Variants in PCDH11X observed in about 807,000 individuals in gnomAD.
PCDH11X encodes the protein protocadherin-11 X-linked.
Under a neutral mutation model 53.3 loss-of-function variants are expected in PCDH11X, and 18 were observed. The ratio of observed to expected loss-of-function variants is 0.34; its 90% confidence interval spans 0.23 to 0.50. The LOEUF (loss-of-function observed/expected upper bound fraction) is 0.50, where lower values mean the gene tolerates loss of function less well. Among genes scored for constraint, PCDH11X ranks in the 20% least tolerant of loss-of-function variants. The probability of loss-of-function intolerance (pLI) is 0.98; values close to 1 mark genes in which losing one functional copy is unlikely to be tolerated. For missense variants in PCDH11X, 570 were observed against 1,032.4 expected (o/e 0.55, Z 6.14); for synonymous variants, 279 against 393.3 (o/e 0.71, Z 3.44).
At chrX:92,282,144 T>C (rs2068263445) in intron 8 of PCDH11X, among the ~76,000 whole-genome samples, 1 of 110,603 alleles carries the variant, frequency 9.0e-6, no homozygotes, top group Admixed American at 9.7e-5. Flanking sequence ...AGTGGGGGAA[T>C]AAGAAGTTCT....
At chrX:91,977,581 C>T (rs896088687) in intron 6 of PCDH11X, among the ~76,000 whole-genome samples, 1 of 110,879 alleles carries the variant, frequency 9.0e-6, no homozygotes, top group African/African-American at 3.3e-5. Context: ...AGTGAATATC[C>T]TGATTTCCTA....
At chrX:92,114,957 C>G (rs1434175212) in intron 6 of PCDH11X, among the ~76,000 whole-genome samples, 1 of 110,534 alleles carries the variant, frequency 9.0e-6, no homozygotes, top group Non-Finnish European at 1.9e-5. Flanking sequence ...TCAGCCTCCC[C>G]GAGTAGCTGG....
intron 8 of PCDH11X, among the ~76,000 whole-genome samples, chrX:92,345,860 A>G: frequency 9.3e-6 from 1 of 107,407 alleles, no homozygotes; most frequent in Non-Finnish European, 1.9e-5. Flanking sequence ...CCCTGAGCAC[A>G]TATCAGAAAC....
Position 92,261,006 on chromosome X carries a change from T to C in PCDH11X, c.3115-2108T>C, listed in dbSNP as rs770341080. ...CAGGGCCAGTTTATAAATAAGAGTA[T>C]AAAAATCCATATCTCTATTAAAACA... On this transcript the variant is annotated intron_variant, in intron 7 of 10. Coordinates refer to ENST00000682573, the MANE Select transcript of PCDH11X (RefSeq NM_032968.5). Among the ~76,000 whole-genome samples, 226 of 111,735 alleles carry C rather than the reference T, an allele frequency of 2.0e-3. 1 individual carries two copies. The highest frequency in any genetic ancestry group is 7.0e-3 in the African/African-American group (216 of 30,800).
At chrX:92,242,391 G>C (rs1254047843) in intron 7 of PCDH11X, among the ~76,000 whole-genome samples, 1 of 111,006 alleles carries the variant, frequency 9.0e-6, no homozygotes. Context: ...AACATTTTGG[G>C]ATCGGCTTTT....
intron 8 of PCDH11X, among the ~76,000 whole-genome samples, chrX:92,373,284 G>T (rs1167908838): frequency 9.0e-6 from 1 of 111,500 alleles, no homozygotes; most frequent in Non-Finnish European, 1.9e-5. Context: ...CAAGGCAAAG[G>T]GGTTTGGGCT....
chrX:91,984,590 A>AGG lies in PCDH11X; in HGVS notation c.3033+105317_3033+105318insGG, dbSNP rs1255109747. Reference sequence around the variant, plus strand: ...GACAAGTTTTGAGTTTACCACTGCTAAGGCAACCTGGGAGTATTACCTTCT... The same window carrying AGG: ...GACAAGTTTTGAGTTTACCACTGCTAGGAGGCAACCTGGGAGTATTACCTTCT... On this transcript the variant is annotated intron_variant, in intron 6 of 10. Transcript: ENST00000682573. 2.8e-4 allele frequency among the ~76,000 whole-genome samples: 31 copies of AGG among 110,506 alleles called. No individual in the cohort carries two copies. In the East Asian group the frequency reaches 4.9e-3, roughly 17 times the overall value.
chrX:92,461,055 A>T (rs747700095), intron 9 of PCDH11X: 1 of 460,796 alleles, frequency 2.2e-6, no homozygotes, highest in Admixed American at 4.0e-5. Context: ...AACATTGATG[A>T]AAGAAATTGA....
chrX:92,365,840 A>G (rs2070458201), intron 8 of PCDH11X, among the ~76,000 whole-genome samples: 1 of 108,865 alleles, frequency 9.2e-6, no homozygotes, highest in South Asian at 4.0e-4. Context: ...AGCTGACTTG[A>G]TCATGGTGGA....
intron 8 of PCDH11X, among the ~76,000 whole-genome samples, chrX:92,303,984 A>C (rs2522768): frequency 0.24 from 26,180 of 109,691 alleles, 4,474 homozygotes; most frequent in East Asian, 0.76. Flanking sequence ...ACTCTTAGTT[A>C]CCAGTGGAGT....
At position 91,878,743 on chromosome X, in the gene PCDH11X, A is replaced by G. The variant is rs749129469; in HGVS notation, c.2503A>G (p.Arg835Gly). The change falls in exon 6 of 11, where the codon AGA becomes GGA. Residue 835 changes from arginine (R) to glycine (G), a missense_variant. Coordinates refer to ENST00000682573, the MANE Select transcript of PCDH11X (RefSeq NM_032968.5). The stretch of plus-strand genomic sequence containing the variant: ...AGTTATTTTCATCACTGCTGTAGTA[A>G]GATGTCGCCAGGCACCACACCTTAA... ...VVVIFITAVV[R>G]CRQAPHLKAA... 2 of 1,208,476 alleles carry G rather than the reference A, an allele frequency of 1.7e-6. No homozygotes were observed. Among genetic ancestry groups the G allele is most frequent in the South Asian group, 1.8e-5 (1 of 56,671 alleles).
rs2181400 is a variant in PCDH11X at position 92,094,046 on chromosome X, C to T, written c.3034-107329C>T. Among the ~76,000 whole-genome samples, 9 of 109,187 alleles carry T rather than the reference C, an allele frequency of 8.2e-5. No individual in the cohort carries two copies. In the South Asian group the frequency reaches 2.0e-3, roughly 24 times the overall value. The allele number at this position is 109,187 out of a possible 115,157, so 94.8% of individuals were successfully genotyped here. On this transcript the variant is annotated intron_variant, in intron 6 of 10. Transcript: ENST00000682573. ...GTTTTCATTAAACACAAATTATATACGAATTTTTTATTCATAAAGCTTCAT... is the reference window on the plus strand; with the variant it reads ...GTTTTCATTAAACACAAATTATATATGAATTTTTTATTCATAAAGCTTCAT...
At chrX:92,454,334 G>A (rs180944669) in intron 9 of PCDH11X, among the ~76,000 whole-genome samples, 3,196 of 107,292 alleles carry the variant, frequency 0.03, 72 homozygotes, top group African/African-American at 0.085. Context: ...GTGCTAAGTC[G>A]GGTCTGGGAC....
chrX:92,334,862 T>C (rs7061928), intron 8 of PCDH11X, among the ~76,000 whole-genome samples: 2,371 of 110,477 alleles, frequency 0.021, 64 homozygotes, highest in African/African-American at 0.071. Context: ...GTAGTACATA[T>C]AACATACAAA....
intron 6 of PCDH11X, among the ~76,000 whole-genome samples, chrX:92,010,753 G>A (rs34815598): frequency 3.7e-5 from 4 of 109,157 alleles, no homozygotes; most frequent in Non-Finnish European, 7.6e-5. Context: ...TAGGTTCAGG[G>A]GATACATGTG....
rs1313888252 is a variant in PCDH11X, at chrX:91,835,541, C to A, written c.37C>A (p.Leu13Met). The A allele has an allele frequency of 4.1e-6, 5 of 1,211,325 alleles. No homozygotes were observed. In the East Asian group the frequency reaches 1.5e-4, roughly 36 times the overall value. The change falls in exon 5 of 11, where the codon CTG becomes ATG. Residue 13 changes from leucine to methionine, a missense_variant. Physicochemically the swap from Leu to Met is conservative, Grantham distance 15 (BLOSUM62 2). Transcript: ENST00000682573. ...LLSGTYIFAV[L>M]LACVVFHSGA... Reference sequence around the variant, plus strand: ...GTCCGGGACGTACATTTTCGCGGTCCTGCTAGCATGCGTGGTGTTCCACTC... The same window carrying A: ...GTCCGGGACGTACATTTTCGCGGTCATGCTAGCATGCGTGGTGTTCCACTC...
chrX:91,870,207 A>G (rs1409189904), intron 5 of PCDH11X, among the ~76,000 whole-genome samples: 1 of 111,846 alleles, frequency 8.9e-6, no homozygotes, highest in Non-Finnish European at 1.9e-5. Flanking sequence ...AGCTTAAAAC[A>G]TTGTGAATTT....
intron 6 of PCDH11X, among the ~76,000 whole-genome samples, chrX:92,084,358 AC>A (rs1181375409): frequency 1.5e-4 from 16 of 107,803 alleles, no homozygotes; most frequent in African/African-American, 5.4e-4. Context: ...GACCAGCCTG[AC>A]CAACATGGAG....
At chrX:91,909,974 T>A (rs772468467) in intron 6 of PCDH11X, among the ~76,000 whole-genome samples, 8 of 111,717 alleles carry the variant, frequency 7.2e-5, no homozygotes, top group Non-Finnish European at 1.5e-4. Flanking sequence ...TACAGTATGA[T>A]TAACTATAGT....
Sources: allele counts gnomAD v4.1 joint callset (sites outside exome capture counted in the v4.1 genomes callset), GRCh38; gene constraint gnomAD v4.1.1; transcripts MANE v1.5; gene names NCBI Gene and HGNC (gene_info 2026-07-23, HGNC 2026-07-21).